The following STMN2 variants were observed in gnomAD, a reference collection of about 807,000 sequenced individuals.
STMN2 encodes the protein stathmin 2.
A neutral mutation model predicts 24.1 loss-of-function variants in STMN2; 2 were observed. That is an observed-to-expected ratio of 0.08 (90% CI 0.03 to 0.26). STMN2 has a LOEUF of 0.26. Ranked by LOEUF, STMN2 falls within the 10% of genes least tolerant of loss-of-function variation. STMN2 has a pLI of 1.00. For synonymous variants in STMN2, 83 were observed against 77.5 expected, an observed-to-expected ratio of 1.07 and a Z score of -0.37; for missense variants, 114 against 213.6, an observed-to-expected ratio of 0.53 and a Z score of 2.91.
chr8:79,636,319 A>G (rs1331224136), intron 1 of STMN2, among the ~76,000 whole-genome samples: 1 of 152,220 alleles, frequency 6.6e-6, no homozygotes, highest in Admixed American at 6.5e-5. Flanking sequence ...TGTTTGCTTA[A>G]TAACTATCCT....
intron 3 of STMN2, among the ~76,000 whole-genome samples, chr8:79,649,508 A>G (rs1743389583): frequency 6.6e-6 from 1 of 152,198 alleles, no homozygotes; most frequent in South Asian, 2.1e-4. Flanking sequence ...TCAACAGGAC[A>G]TTATTTGTGA....
chr8:79,623,345 G>C (rs2130310629), intron 1 of STMN2, among the ~76,000 whole-genome samples: 1 of 152,278 alleles, frequency 6.6e-6, no homozygotes, highest in East Asian at 1.9e-4. Context: ...GAGCAACAAA[G>C]ATATCTTGTG....
At chr8:79,656,130 A>G (rs13255802) in intron 4 of STMN2, among the ~76,000 whole-genome samples, 20,860 of 152,238 alleles carry the variant, frequency 0.14, 1,634 homozygotes, top group Non-Finnish European at 0.18. Context: ...CAAATATCCA[A>G]CTAGAAACAA....
chr8:79,628,848 A>C (rs566993838), intron 1 of STMN2, among the ~76,000 whole-genome samples: 15 of 152,300 alleles, frequency 9.8e-5, no homozygotes, highest in Non-Finnish European at 1.9e-4. Flanking sequence ...TGTGACATAA[A>C]CTGGATGATA....
At chr8:79,645,947 A>T (rs779631370) in intron 3 of STMN2, among the ~76,000 whole-genome samples, 1 of 152,236 alleles carries the variant, frequency 6.6e-6, no homozygotes, top group Non-Finnish European at 1.5e-5. Context: ...CCATGAAGAT[A>T]GAACTTGTCT....
chr8:79,648,702 A>G (rs1214874769), intron 3 of STMN2, among the ~76,000 whole-genome samples: 6 of 152,058 alleles, frequency 3.9e-5, no homozygotes, highest in Non-Finnish European at 8.8e-5. Flanking sequence ...ACCTCAGGTG[A>G]TCCACCCACC....
chr8:79,658,659 T>C (rs1806432450), intron 4 of STMN2, among the ~76,000 whole-genome samples: 1 of 152,170 alleles, frequency 6.6e-6, no homozygotes, highest in South Asian at 2.1e-4. Context: ...TACAACTCTG[T>C]GCAAGCTTTT....
chr8:79,620,956 A>G, intron 1 of STMN2: 2 of 985,216 alleles, frequency 2.0e-6, no homozygotes, highest in Non-Finnish European at 2.4e-6. Flanking sequence ...GTAGACCTAA[A>G]ACAGCAGTGA....
chr8:79,662,301 A>T (rs1176860303), intron 4 of STMN2, among the ~76,000 whole-genome samples: 1 of 152,140 alleles, frequency 6.6e-6, no homozygotes. Context: ...TGGGCCTCTG[A>T]CAGTGCCTAG....
chr8:79,645,090 G>A (rs1036606223), intron 3 of STMN2, among the ~76,000 whole-genome samples: 2 of 152,030 alleles, frequency 1.3e-5, no homozygotes, highest in Non-Finnish European at 2.9e-5. Context: ...AGGAGGTGGA[G>A]GTTGCAGTGA....
intron 1 of STMN2, among the ~76,000 whole-genome samples, chr8:79,612,912 C>T (rs574924487): frequency 1.6e-3 from 242 of 152,276 alleles, no homozygotes; most frequent in African/African-American, 5.3e-3. Context: ...ACGGCCCGAG[C>T]ACCCCTTGAT....
intron 3 of STMN2, among the ~76,000 whole-genome samples, chr8:79,651,865 G>C (rs761221545): frequency 2.0e-5 from 3 of 152,158 alleles, no homozygotes; most frequent in Non-Finnish European, 4.4e-5. Context: ...ACCAGGTTGG[G>C]GCTCATGTCA....
At chr8:79,634,091 G>A (rs1292935964) in intron 1 of STMN2, among the ~76,000 whole-genome samples, 1 of 152,134 alleles carries the variant, frequency 6.6e-6, no homozygotes, top group Non-Finnish European at 1.5e-5. Context: ...TATGCTTCAT[G>A]TGTTTCTAAT....
At chr8:79,648,453 C>CTTTT (rs11374351) in intron 3 of STMN2, among the ~76,000 whole-genome samples, 1,144 of 97,800 alleles carry the variant, frequency 0.012, 31 homozygotes, top group Middle Eastern at 0.017. Context: ...ATATACGTTG[C>CTTTT]TTTTTTTTTT....
chr8:79,625,387 T>C (rs1809628357), intron 1 of STMN2, among the ~76,000 whole-genome samples: 1 of 152,106 alleles, frequency 6.6e-6, no homozygotes, highest in South Asian at 2.1e-4. Context: ...AGGATTATCA[T>C]CCTCATTTTT....
intron 2 of STMN2, among the ~76,000 whole-genome samples, chr8:79,640,300 T>C (rs1025972350): frequency 6.6e-6 from 1 of 152,170 alleles, no homozygotes; most frequent in Non-Finnish European, 1.5e-5. Context: ...GTAACCACAA[T>C]TCTACTCTGC....
intron 1 of STMN2, chr8:79,613,452 C>A (rs1252002829): frequency 4.1e-6 from 4 of 985,350 alleles, no homozygotes; most frequent in Admixed American, 6.1e-5. Flanking sequence ...CCTGAGCTAC[C>A]CCCGCTTTCC....
intron 1 of STMN2, among the ~76,000 whole-genome samples, chr8:79,635,428 T>C (rs780470214): frequency 1.3e-5 from 2 of 152,162 alleles, no homozygotes; most frequent in Non-Finnish European, 2.9e-5. Context: ...GGAGAATAAA[T>C]CATTCTATTA....
At chr8:79,633,800 A>G (rs899059082) in intron 1 of STMN2, among the ~76,000 whole-genome samples, 5 of 152,232 alleles carry the variant, frequency 3.3e-5, no homozygotes, top group Admixed American at 3.3e-4. Flanking sequence ...TTCAGTCCAT[A>G]ATAGTAATGA....
Sources: gnomAD v4.1 joint callset for allele counts (sites outside exome capture counted in the v4.1 genomes callset) on GRCh38, gnomAD v4.1.1 for gene constraint, MANE v1.5 for transcripts, NCBI Gene and HGNC (gene_info 2026-07-23, HGNC 2026-07-21) for gene names.